Variants in ANO6 observed in about 807,000 individuals in gnomAD.
ANO6 encodes the protein anoctamin-6.
In ANO6, 106 loss-of-function variants were observed where a neutral mutation model predicts 117.5. The ratio of observed to expected loss-of-function variants is 0.90; its 90% CI spans 0.77 to 1.06. The LOEUF (loss-of-function observed/expected upper bound fraction) is 1.06, where lower values mean the gene tolerates loss of function less well. Ranked by LOEUF, ANO6 falls within the 50% of genes least tolerant of loss-of-function variation. The pLI is 0.00. For missense variants in ANO6, 955 were observed against 1,121.1 expected, an observed-to-expected ratio of 0.85 and a Z score of 2.12; for synonymous variants, 367 against 385.1, an observed-to-expected ratio of 0.95 and a Z score of 0.55.
intron 1 of ANO6, among the ~76,000 whole-genome samples, chr12:45,238,091 A>G (rs1459535874): frequency 1.3e-5 from 2 of 151,332 alleles, no homozygotes; most frequent in Admixed American, 6.6e-5. Context: ...ACTTTGCTGA[A>G]GTTGCTTATC....
intron 1 of ANO6, among the ~76,000 whole-genome samples, chr12:45,218,486 C>T (rs1307973193): frequency 1.4e-5 from 2 of 147,800 alleles, no homozygotes; most frequent in Middle Eastern, 3.4e-3. Flanking sequence ...CCTCGACCTA[C>T]GGGGCTCAAG....
chr12:45,232,780 C>G (rs57314223), intron 1 of ANO6, among the ~76,000 whole-genome samples: 2,183 of 152,258 alleles, frequency 0.014, 40 homozygotes, highest in African/African-American at 0.048. Flanking sequence ...AATAATAGCC[C>G]TGGGTTGGAA....
intron 1 of ANO6, among the ~76,000 whole-genome samples, chr12:45,220,558 T>C (rs1947380921): frequency 6.6e-6 from 1 of 152,206 alleles, no homozygotes; most frequent in Non-Finnish European, 1.5e-5. Flanking sequence ...GGGTCAGGTG[T>C]TGGGAGACTG....
Position 45,347,096 on chromosome 12 carries a change from T to G in ANO6, c.345+9T>G, listed in dbSNP as rs1246413690. 3.7e-6 allele frequency: 6 copies of G among 1,613,826 alleles called. No individual in the cohort carries two copies. The East Asian group carries it at 1.1e-4, about 30-fold the overall frequency. On this transcript the variant is annotated intron_variant, in intron 4 of 19. Transcript: ENST00000320560. ...TAGAAGCAACAAGATCAGTAAGTAC[T>G]GGTCCCTTTTCAGCCCTCGGCTGAC...
intron 1 of ANO6, among the ~76,000 whole-genome samples, chr12:45,246,492 A>G (rs1413366168): frequency 1.3e-5 from 2 of 152,198 alleles, no homozygotes; most frequent in Non-Finnish European, 2.9e-5. Flanking sequence ...GCTTTGAAAG[A>G]GAAAGTTTAC....
chr12:45,278,124 T>G (rs2137248164), intron 1 of ANO6, among the ~76,000 whole-genome samples: 1 of 151,712 alleles, frequency 6.6e-6, no homozygotes, highest in South Asian at 2.1e-4. Flanking sequence ...CCTGGCTAAT[T>G]TTTAAATTTT....
At chr12:45,269,455 T>C (rs1312485360) in intron 1 of ANO6, among the ~76,000 whole-genome samples, 2 of 152,226 alleles carry the variant, frequency 1.3e-5, no homozygotes, top group African/African-American at 4.8e-5. Context: ...GCTTTGGTTT[T>C]GTGATGCTTG....
chr12:45,388,819 G>A (rs1353059966), intron 11 of ANO6, among the ~76,000 whole-genome samples: 1 of 152,110 alleles, frequency 6.6e-6, no homozygotes, highest in Non-Finnish European at 1.5e-5. Flanking sequence ...GAGGAAGAAG[G>A]AAAGTATTTT....
intron 3 of ANO6, among the ~76,000 whole-genome samples, chr12:45,332,312 A>T (rs112662549): frequency 0.01 from 413 of 41,016 alleles, 1 homozygote; most frequent in African/African-American, 0.021. Flanking sequence ...TCTCTCTCTC[A>T]CACACACACA....
chr12:45,395,256 T>G (rs2137601982), intron 12 of ANO6, among the ~76,000 whole-genome samples: 1 of 152,268 alleles, frequency 6.6e-6, no homozygotes, highest in Middle Eastern at 3.4e-3. Flanking sequence ...ATGGATAAAT[T>G]CCTGGACACA....
chr12:45,373,307 CAG>C (rs2137527795), intron 9 of ANO6, among the ~76,000 whole-genome samples: 1 of 151,924 alleles, frequency 6.6e-6, no homozygotes, highest in African/African-American at 2.4e-5. Context: ...ATCAATGAGA[CAG>C]AAAGTCAACA....
intron 1 of ANO6, among the ~76,000 whole-genome samples, chr12:45,225,593 A>G (rs12226944): frequency 0.059 from 8,938 of 151,894 alleles, 487 homozygotes; most frequent in East Asian, 0.3. Flanking sequence ...GGTTCACGCC[A>G]TTCTCCTGCA....
chr12:45,374,589 C>T lies in ANO6; in HGVS notation c.1105-3464C>T, dbSNP rs1258525564. Among the ~76,000 whole-genome samples, 33 of 117,268 alleles carry T rather than the reference C, an allele frequency of 2.8e-4. 1 individual carries two copies. The highest frequency in any genetic ancestry group is 1.1e-3 in the African/African-American group (31 of 28,898). 76.9% of individuals were successfully genotyped at this position (117,268 alleles called of 152,430 possible). ...AATGTAATCCAGCATATAAACAGAG[C>T]CAAAGACAAAAACCACATGATTATC... On this transcript the variant is annotated intron_variant, in intron 9 of 19. Transcript: ENST00000320560.
chr12:45,350,619 C>A (rs4108249), intron 6 of ANO6, 40 bp from the exon 7 acceptor site: 2 of 1,504,782 alleles, frequency 1.3e-6, no homozygotes, highest in East Asian at 4.5e-5. Flanking sequence ...TGTGAAAACA[C>A]GATGATTATG....
intron 1 of ANO6, among the ~76,000 whole-genome samples, chr12:45,280,345 A>G (rs185126855): frequency 2.8e-4 from 43 of 152,326 alleles, no homozygotes; most frequent in African/African-American, 7.9e-4. Context: ...GGTCAGTACA[A>G]TGACTGAGGA....
At chr12:45,332,081 A>G (rs1318683226) in intron 3 of ANO6, among the ~76,000 whole-genome samples, 1 of 152,050 alleles carries the variant, frequency 6.6e-6, no homozygotes, top group Non-Finnish European at 1.5e-5. Context: ...TTTTTAAGTA[A>G]AAGGCCATCT....
rs1941199426 is a variant in ANO6, at chr12:45,348,421, G to C, written c.634-97G>C. 5.8e-6 allele frequency: 9 copies of C among 1,562,586 alleles called. No individual in the cohort carries two copies. The East Asian group carries it at 1.8e-4, about 31-fold the overall frequency. On this transcript the variant is annotated intron_variant, in intron 5 of 19. Coordinates refer to ENST00000320560, the MANE Select transcript of ANO6 (RefSeq NM_001025356.3). ...TTTTAAAAACTGCACAAAAAGAAAA[G>C]AAATATGCCAGCAGATTTGTGTTAC...
At chr12:45,247,161 A>G (rs1336363741) in intron 1 of ANO6, among the ~76,000 whole-genome samples, 2 of 152,098 alleles carry the variant, frequency 1.3e-5, no homozygotes, top group Non-Finnish European at 2.9e-5. Flanking sequence ...CCTGACTTCA[A>G]GTGATCTGCC....
chr12:45,251,858 A>T (rs1376552963), intron 1 of ANO6, among the ~76,000 whole-genome samples: 2 of 152,190 alleles, frequency 1.3e-5, no homozygotes. Flanking sequence ...AACCCTTGAC[A>T]AGTTGAAAAG....
Sources: allele counts gnomAD v4.1 joint callset (sites outside exome capture counted in the v4.1 genomes callset), GRCh38; gene constraint gnomAD v4.1.1; transcripts MANE v1.5; gene names NCBI Gene and HGNC (gene_info 2026-07-23, HGNC 2026-07-21).